Variants in VTI1A observed in about 807,000 individuals in gnomAD.
The protein encoded by VTI1A is vesicle transport through interaction with t-SNAREs homolog 1A.
VTI1A carries 22 observed loss-of-function variants against 34.9 expected under a neutral mutation model. The observed-to-expected ratio is 0.63, with a 90% CI of 0.45 to 0.90. VTI1A has a LOEUF of 0.90. Among genes scored for constraint, VTI1A ranks in the 40% least tolerant of loss-of-function variants. VTI1A has a pLI of 0.00. For synonymous variants in VTI1A, 87 were observed against 97.3 expected, an observed-to-expected ratio of 0.89 and a Z score of 0.62; for missense variants, 268 against 275.6, an observed-to-expected ratio of 0.97 and a Z score of 0.20.
intron 7 of VTI1A, among the ~76,000 whole-genome samples, chr10:112,698,529 G>A (rs1411777165): frequency 2.0e-5 from 3 of 152,088 alleles, no homozygotes; most frequent in Non-Finnish European, 4.4e-5. Context: ...GTTAAGTTAG[G>A]ACAACACAGA....
At chr10:112,702,037 G>A (rs776529712) in intron 7 of VTI1A, among the ~76,000 whole-genome samples, 6 of 152,138 alleles carry the variant, frequency 3.9e-5, no homozygotes, top group African/African-American at 1.2e-4. Flanking sequence ...GGGAACATAC[G>A]AAGTCCATGA....
At chr10:112,704,485 G>A (rs1384915742) in intron 7 of VTI1A, among the ~76,000 whole-genome samples, 1 of 151,836 alleles carries the variant, frequency 6.6e-6, no homozygotes, top group East Asian at 1.9e-4. Context: ...GCATTTTAGT[G>A]TGTCATTCTA....
At position 112,635,652 on chromosome 10, in the gene VTI1A, G is replaced by A. The variant is rs553153834; in HGVS notation, c.428-32566G>A. Reference sequence around the variant, plus strand: ...GGCTTTTGCACTGGTCTTTGTGAGAGGTTACAACAGTAGGAATGGAAAAGA... The same window carrying A: ...GGCTTTTGCACTGGTCTTTGTGAGAAGTTACAACAGTAGGAATGGAAAAGA... On this transcript the variant is annotated intron_variant, in intron 5 of 7. Coordinates refer to ENST00000393077, the MANE Select transcript of VTI1A (RefSeq NM_145206.4). Among the ~76,000 whole-genome samples, 9 of 152,206 alleles carry A rather than the reference G, an allele frequency of 5.9e-5. No individual in the cohort carries two copies. The South Asian group carries it at 6.2e-4, about 11-fold the overall frequency.
At chr10:112,465,273 A>G (rs1438743729) in intron 3 of VTI1A, among the ~76,000 whole-genome samples, 1 of 152,206 alleles carries the variant, frequency 6.6e-6, no homozygotes, top group African/African-American at 2.4e-5. Flanking sequence ...AAGAATATAA[A>G]TGTAAAGACA....
intron 5 of VTI1A, among the ~76,000 whole-genome samples, chr10:112,597,467 C>T (rs939283873): frequency 1.3e-5 from 2 of 152,172 alleles, no homozygotes; most frequent in African/African-American, 4.8e-5. Context: ...ATCTGCCTGC[C>T]TCAGCCTCCC....
chr10:112,709,627 A>G (rs1050549916), intron 7 of VTI1A, among the ~76,000 whole-genome samples: 3 of 150,832 alleles, frequency 2.0e-5, no homozygotes, highest in African/African-American at 7.3e-5. Context: ...TGCATCCTCA[A>G]AGAAAGGAGA....
chr10:112,450,461 A>G (rs1589778019), intron 1 of VTI1A: 1 of 152,220 alleles, frequency 6.6e-6, no homozygotes, highest in Non-Finnish European at 1.5e-5. Context: ...GAGGTGAACT[A>G]TAATTTACTT....
chr10:112,840,748 T>C, the VTI1A span, among the ~76,000 whole-genome samples: 1 of 152,068 alleles, frequency 6.6e-6, no homozygotes, highest in Admixed American at 6.6e-5. Context: ...CCTAATAAAA[T>C]TCTGTATTTC....
chr10:112,795,738 CT>C (rs1449592506), intron 7 of VTI1A, among the ~76,000 whole-genome samples: 1 of 152,046 alleles, frequency 6.6e-6, no homozygotes, highest in East Asian at 1.9e-4. Context: ...GCCCAGCCCC[CT>C]CTTACTCTCT....
At chr10:112,824,713 G>A in the VTI1A span, 6 of 152,290 alleles carry the variant, frequency 3.9e-5, no homozygotes, top group African/African-American at 1.4e-4. Context: ...CGGGTCTCGG[G>A]GCTCTAGGCC....
chr10:112,545,482 G>A (rs1242842856), intron 5 of VTI1A, among the ~76,000 whole-genome samples: 2 of 152,108 alleles, frequency 1.3e-5, no homozygotes, highest in Non-Finnish European at 2.9e-5. Context: ...ACAAAACTAT[G>A]GTATTTCTTT....
At chr10:112,543,966 T>G (rs1850969643) in intron 5 of VTI1A, among the ~76,000 whole-genome samples, 1 of 152,228 alleles carries the variant, frequency 6.6e-6, no homozygotes, top group African/African-American at 2.4e-5. Context: ...TTTTGTCAGG[T>G]TTCTCAAAGA....
intron 7 of VTI1A, among the ~76,000 whole-genome samples, chr10:112,730,395 G>C (rs552590677): frequency 6.6e-6 from 1 of 152,156 alleles, no homozygotes; most frequent in African/African-American, 2.4e-5. Context: ...TAGTCACCTT[G>C]TGGCGTGATC....
chr10:112,556,737 A>AT (rs571805393), intron 5 of VTI1A, among the ~76,000 whole-genome samples: 265 of 151,926 alleles, frequency 1.7e-3, no homozygotes, highest in African/African-American at 6.1e-3. Context: ...GTAAAAGAAA[A>AT]TTTTTTTTGT....
chr10:112,481,531 G>T lies in VTI1A; in HGVS notation c.264+16874G>T, dbSNP rs144547681. 2.6e-5 allele frequency among the ~76,000 whole-genome samples: 4 copies of T among 152,290 alleles called. No individual in the cohort carries two copies. In the East Asian group the frequency reaches 7.7e-4, roughly 29 times the overall value. On this transcript the variant is annotated intron_variant, in intron 3 of 7. Coordinates refer to ENST00000393077, the MANE Select transcript of VTI1A (RefSeq NM_145206.4). ...ACTCCCTGGTAAGAAGGGAAATATGGTTATAAAAGTCTTGTATATGTATGT... is the reference window on the plus strand; with the variant it reads ...ACTCCCTGGTAAGAAGGGAAATATGTTTATAAAAGTCTTGTATATGTATGT...
intron 7 of VTI1A, among the ~76,000 whole-genome samples, chr10:112,756,303 C>T (rs1851281259): frequency 6.6e-6 from 1 of 152,144 alleles, no homozygotes; most frequent in South Asian, 2.1e-4. Context: ...CAGTGTGTTA[C>T]GGCATGACTA....
chr10:112,818,993 A>G (rs1432111390), downstream of VTI1A, among the ~76,000 whole-genome samples: 1 of 152,212 alleles, frequency 6.6e-6, no homozygotes, highest in Non-Finnish European at 1.5e-5. Flanking sequence ...AGGGGCAACA[A>G]TAGCAGCAGG....
chr10:112,757,351 A>ATTTTTTTTTTTTTTTT lies in VTI1A; in HGVS notation c.561-57922_561-57907dup, dbSNP rs1175362768. 2.0e-4 allele frequency among the ~76,000 whole-genome samples: 8 copies of ATTTTTTTTTTTTTTTT among 40,692 alleles called. 1 individual carries two copies. The highest frequency in any genetic ancestry group is 6.2e-4 in the African/African-American group (6 of 9,700). The allele number at this position is 40,692 out of a possible 152,430, so 26.7% of individuals were successfully genotyped here. On this transcript the variant is annotated intron_variant, in intron 7 of 7. Coordinates refer to ENST00000393077, the MANE Select transcript of VTI1A (RefSeq NM_145206.4). ...CTTTCACCCTTTCTTTGTTGCTGTG[A>ATTTTTTTTTTTTTTTT]TTTTTTTTTTTTTTTTTTTTTTTTT...
At chr10:112,477,553 T>C (rs1385201264) in intron 3 of VTI1A, among the ~76,000 whole-genome samples, 2 of 152,254 alleles carry the variant, frequency 1.3e-5, no homozygotes, top group African/African-American at 4.8e-5. Flanking sequence ...AAATGTACTG[T>C]GAAATGAAGA....
Sources: allele counts gnomAD v4.1 joint callset (sites outside exome capture counted in the v4.1 genomes callset), GRCh38; gene constraint gnomAD v4.1.1; transcripts MANE v1.5; gene names NCBI Gene and HGNC (gene_info 2026-07-23, HGNC 2026-07-21).